KAZN: variants seen among roughly 807,000 people sequenced by gnomAD.
KAZN encodes kazrin, periplakin interacting protein, also known as kazrin.
Under a neutral mutation model 87.4 loss-of-function variants are expected in KAZN, and 40 were observed. The observed-to-expected ratio is 0.46, with a 90% confidence interval of 0.36 to 0.60. KAZN has a LOEUF of 0.60. KAZN is among the 20% of genes least tolerant of loss of function. The probability of loss-of-function intolerance (pLI) is 0.00; values close to 1 mark genes in which losing one functional copy is unlikely to be tolerated. For synonymous variants in KAZN, 466 were observed against 458.3 expected (o/e 1.02, Z -0.22); for missense variants, 898 against 1,073.9 (o/e 0.84, Z 2.29).
intron 13 of KAZN, among the ~76,000 whole-genome samples, chr1:15,107,756 T>G (rs1343103628): frequency 2.6e-5 from 4 of 152,194 alleles, no homozygotes. Flanking sequence ...GGCTGCAATG[T>G]GGTTTCGAGC....
intron 1 of KAZN, among the ~76,000 whole-genome samples, chr1:13,973,746 C>A (rs1413081610): frequency 6.6e-6 from 1 of 152,216 alleles, no homozygotes; most frequent in Middle Eastern, 3.2e-3. Context: ...TTAACATCCC[C>A]ATTTTACAGA....
chr1:14,579,485 C>T (rs1447001733), intron 2 of KAZN, among the ~76,000 whole-genome samples: 1 of 151,816 alleles, frequency 6.6e-6, no homozygotes, highest in East Asian at 1.9e-4. Flanking sequence ...AGCAGCTGGG[C>T]GTGGTGGCGG....
At chr1:14,930,526 A>T (rs995223884) in intron 1 of KAZN, among the ~76,000 whole-genome samples, 6 of 152,194 alleles carry the variant, frequency 3.9e-5, no homozygotes, top group African/African-American at 1.4e-4. Context: ...TGGAAGGATC[A>T]TTGACTGAGG....
chr1:14,186,637 C>T (rs894853211), intron 2 of KAZN, among the ~76,000 whole-genome samples: 7 of 152,102 alleles, frequency 4.6e-5, no homozygotes, highest in Non-Finnish European at 7.4e-5. Context: ...TCTCTTTGAC[C>T]GTGGGCAGGT....
intron 1 of KAZN, among the ~76,000 whole-genome samples, chr1:14,026,349 C>T (rs759731829): frequency 1.9e-4 from 29 of 152,082 alleles, no homozygotes; most frequent in Non-Finnish European, 3.7e-4. Context: ...TTGAGGCAAA[C>T]GGTGGTTAAG....
At position 14,514,337 on chromosome 1, in the gene KAZN, T is replaced by C. The variant is rs1260358184; in HGVS notation, c.250-84646T>C. On this transcript the variant is annotated intron_variant, in intron 2 of 16. Transcript: ENST00000636203. ...AAGACTCTGTCTCAAAAAATTTATATATATATTTATATATATTATATATAT... is the reference window on the plus strand; with the variant it reads ...AAGACTCTGTCTCAAAAAATTTATACATATATTTATATATATTATATATAT... Among the ~76,000 whole-genome samples the C allele has an allele frequency of 8.0e-5, 3 of 37,334 alleles. 1 individual carries two copies. In the Admixed American group the frequency reaches 1.3e-3, roughly 16 times the overall value. The allele number at this position is 37,334 out of a possible 152,430, so 24.5% of individuals were successfully genotyped here. A position where few individuals can be genotyped will look rare whatever the true frequency, so the allele number is the denominator to read the frequency against.
intron 1 of KAZN, among the ~76,000 whole-genome samples, chr1:13,982,471 C>G (rs770224016): frequency 6.6e-6 from 1 of 152,286 alleles, no homozygotes; most frequent in South Asian, 2.1e-4. Context: ...AGTGTGGACC[C>G]AAAGAGTGAG....
chr1:13,905,824 CAAAT>C (rs1639416236), intron 1 of KAZN, among the ~76,000 whole-genome samples: 1 of 152,100 alleles, frequency 6.6e-6, no homozygotes, highest in Non-Finnish European at 1.5e-5. Context: ...GCCATTATAA[CAAAT>C]TACCACAACC....
chr1:14,841,355 G>A (rs1647967611), intron 1 of KAZN, among the ~76,000 whole-genome samples: 2 of 140,610 alleles, frequency 1.4e-5, no homozygotes, highest in East Asian at 2.2e-4. Flanking sequence ...GCAGTGAGCC[G>A]AGATCGCCCC....
intron 1 of KAZN, among the ~76,000 whole-genome samples, chr1:14,141,395 T>C (rs1645236621): frequency 6.6e-6 from 1 of 151,934 alleles, no homozygotes; most frequent in Admixed American, 6.6e-5. Flanking sequence ...CCTGTTGACA[T>C]AGACCCTCTC....
At chr1:13,979,214 C>T (rs576896898) in intron 1 of KAZN, among the ~76,000 whole-genome samples, 34 of 152,066 alleles carry the variant, frequency 2.2e-4, no homozygotes, top group Non-Finnish European at 4.6e-4. Context: ...AACCCGTCCC[C>T]CAAAGCTAAA....
intron 2 of KAZN, among the ~76,000 whole-genome samples, chr1:14,212,482 GAA>G (rs770629731): frequency 1.4e-4 from 16 of 117,900 alleles, no homozygotes; most frequent in African/African-American, 3.9e-4. Context: ...TTATAAGCCA[GAA>G]AAAAAAAAAA....
chr1:14,319,547 CG>C (rs533720054), intron 2 of KAZN, among the ~76,000 whole-genome samples: 208 of 152,264 alleles, frequency 1.4e-3, no homozygotes, highest in Non-Finnish European at 2.1e-3. Flanking sequence ...TGTAGAGCCC[CG>C]TTCTCTCCCG....
intron 2 of KAZN, among the ~76,000 whole-genome samples, chr1:14,230,778 G>T (rs1647746190): frequency 6.6e-6 from 1 of 152,044 alleles, no homozygotes; most frequent in Non-Finnish European, 1.5e-5. Context: ...CAGTAAGAAG[G>T]TTATAAACAA....
At chr1:14,740,254 G>A (rs1012314064) in intron 1 of KAZN, among the ~76,000 whole-genome samples, 1 of 152,174 alleles carries the variant, frequency 6.6e-6, no homozygotes, top group African/African-American at 2.4e-5. Flanking sequence ...ACACCGTGCT[G>A]TGCGGGGAGC....
intron 2 of KAZN, among the ~76,000 whole-genome samples, chr1:14,507,992 A>T (rs948179223): frequency 6.6e-6 from 1 of 151,600 alleles, no homozygotes; most frequent in Non-Finnish European, 1.5e-5. Context: ...AAAAAAAAAA[A>T]TGTGACGTTG....
intron 1 of KAZN, among the ~76,000 whole-genome samples, chr1:13,932,763 G>C (rs1383096771): frequency 1.3e-5 from 2 of 152,196 alleles, no homozygotes; most frequent in Admixed American, 1.3e-4. Flanking sequence ...ATATGGGTTC[G>C]TTGCTAAATG....
intron 1 of KAZN, among the ~76,000 whole-genome samples, chr1:14,644,111 A>G (rs1335048957): frequency 6.2e-5 from 9 of 146,280 alleles, no homozygotes; most frequent in Non-Finnish European, 1.3e-4. Context: ...TCTCGGGTTC[A>G]AGCAATTCTC....
intron 1 of KAZN, among the ~76,000 whole-genome samples, chr1:14,672,749 G>A (rs1430439063): frequency 6.6e-6 from 1 of 152,180 alleles, no homozygotes; most frequent in Non-Finnish European, 1.5e-5. Context: ...ATTGCTTTGC[G>A]GAGACAGCAG....
Sources: gnomAD v4.1 joint callset for allele counts (sites outside exome capture counted in the v4.1 genomes callset) on GRCh38, gnomAD v4.1.1 for gene constraint, MANE v1.5 for transcripts, NCBI Gene and HGNC (gene_info 2026-07-23, HGNC 2026-07-21) for gene names.